DAB2: variants seen among roughly 807,000 people sequenced by gnomAD.
DAB2 encodes the protein disabled homolog 2.
In DAB2, 28 loss-of-function variants were observed where a neutral mutation model predicts 71.6. The ratio of observed to expected loss-of-function variants is 0.39; its 90% CI spans 0.29 to 0.54. DAB2 has a LOEUF of 0.54. Ranked by LOEUF, DAB2 falls within the 20% of genes least tolerant of loss-of-function variation. The pLI is 0.68. For synonymous variants in DAB2, 345 were observed against 339.7 expected, an observed-to-expected ratio of 1.02 and a Z score of -0.17; for missense variants, 867 against 928.8, an observed-to-expected ratio of 0.93 and a Z score of 0.86.
At chr5:39,396,363 T>C (rs1442125726) in intron 1 of DAB2, among the ~76,000 whole-genome samples, 1 of 152,234 alleles carries the variant, frequency 6.6e-6, no homozygotes, top group Non-Finnish European at 1.5e-5. Context: ...CGTAGTCCTC[T>C]TGAAATACAC....
intron 1 of DAB2, among the ~76,000 whole-genome samples, chr5:39,398,643 G>T (rs116829823): frequency 3.5e-4 from 54 of 152,182 alleles, no homozygotes; most frequent in African/African-American, 1.2e-3. Context: ...TGATCAGAAG[G>T]TAGACTCTGC....
chr5:39,376,121 A>T lies in DAB2; in HGVS notation c.2138-15T>A. ...CTTTGGTGGTTCTAGAAGGTAAAAA[A>T]TCCAGGCAATCAGTAGACAAGCTTT... On this transcript the variant is annotated splice_polypyrimidine_tract_variant and intron_variant, in intron 12 of 14. Transcript: ENST00000320816. 6.2e-7 allele frequency: 1 copy of T among 1,602,122 alleles called. No individual in the cohort carries two copies. The highest frequency in any genetic ancestry group is 8.5e-7 in the Non-Finnish European group (1 of 1,169,848).
intron 1 of DAB2, chr5:39,418,229 T>A (rs1164681042): frequency 6.6e-6 from 1 of 152,196 alleles, no homozygotes; most frequent in Admixed American, 6.5e-5. Context: ...AGGGCAGTTG[T>A]ATGTTGCCCT....
chr5:39,422,941 GT>G lies in DAB2; in HGVS notation c.-102+1862del, dbSNP rs1756023206. ...GCCCTTCACAAATTAGACAAGGTTT[GT>G]AACAAGTGCTTTCTTCCCTCACTTA... On this transcript the variant is annotated intron_variant, in intron 1 of 14. Coordinates refer to ENST00000320816, the MANE Select transcript of DAB2 (RefSeq NM_001343.4). The surrounding 1 kb of genome is among the most constrained non-coding windows in gnomAD (Gnocchi z 4.1). Among the ~76,000 whole-genome samples, 1 of 152,176 alleles carries G rather than the reference GT, an allele frequency of 6.6e-6. No homozygotes were observed.
intron 1 of DAB2, among the ~76,000 whole-genome samples, chr5:39,408,103 T>C (rs1755646608): frequency 6.6e-6 from 1 of 152,224 alleles, no homozygotes; most frequent in African/African-American, 2.4e-5. Context: ...TACCCTTTCT[T>C]GCAACTCATG....
At chr5:39,404,066 G>A (rs1051970114) in intron 1 of DAB2, among the ~76,000 whole-genome samples, 2 of 151,984 alleles carry the variant, frequency 1.3e-5, no homozygotes, top group African/African-American at 4.8e-5. Flanking sequence ...CTGCTATTGT[G>A]AATAGTGCCA....
chr5:39,376,231 T>A (rs1161807648), intron 12 of DAB2, 125 bp from the exon 13 acceptor site: 7 of 688,480 alleles, frequency 1.0e-5, no homozygotes, highest in Non-Finnish European at 1.5e-5. Flanking sequence ...GGAACAAAAA[T>A]CAACACCAAA....
chr5:39,410,664 C>T (rs539936127), intron 1 of DAB2, among the ~76,000 whole-genome samples: 1 of 152,084 alleles, frequency 6.6e-6, no homozygotes, highest in African/African-American at 2.4e-5. Context: ...ATGTGTGTAT[C>T]TTTTAATATG....
chr5:39,404,037 T>C (rs552913633), intron 1 of DAB2, among the ~76,000 whole-genome samples: 1 of 152,062 alleles, frequency 6.6e-6, no homozygotes, highest in Non-Finnish European at 1.5e-5. Context: ...TGTTGGACAT[T>C]TGGCTTGGTT....
chr5:39,397,828 T>A (rs960042131), intron 1 of DAB2, among the ~76,000 whole-genome samples: 3 of 152,238 alleles, frequency 2.0e-5, no homozygotes, highest in African/African-American at 4.8e-5. Context: ...TACTTCGATA[T>A]CTACTTTTAA....
At chr5:39,386,617 T>A (rs1019651992) in intron 9 of DAB2, among the ~76,000 whole-genome samples, 2 of 152,236 alleles carry the variant, frequency 1.3e-5, no homozygotes, top group African/African-American at 2.4e-5. Flanking sequence ...TTAGACTTCA[T>A]AAAGTCTAAT....
chr5:39,409,965 A>C (rs1007180482), intron 1 of DAB2, among the ~76,000 whole-genome samples: 1 of 152,198 alleles, frequency 6.6e-6, no homozygotes, highest in African/African-American at 2.4e-5. Flanking sequence ...CCAAGAACAC[A>C]AGGACAGATC....
At chr5:39,393,540 C>A (rs1755284936) in intron 2 of DAB2, 147 bp from the exon 3 acceptor site, 2 of 849,426 alleles carry the variant, frequency 2.4e-6, no homozygotes, top group African/African-American at 1.7e-5. Context: ...CTTATTCTTA[C>A]TTCCTTTGAG....
intron 4 of DAB2, 29 bp downstream of exon 4, chr5:39,392,336 G>A: frequency 6.5e-7 from 1 of 1,546,762 alleles, no homozygotes; most frequent in Non-Finnish European, 8.9e-7. Context: ...CAGGTGGTCA[G>A]AGAGGTATCA....
intron 10 of DAB2, 38 bp downstream of exon 10, chr5:39,382,580 T>G: frequency 6.3e-7 from 1 of 1,578,866 alleles, no homozygotes; most frequent in Non-Finnish European, 8.7e-7. Context: ...GTACCGAACA[T>G]GCACTCTGCT....
intron 1 of DAB2, among the ~76,000 whole-genome samples, chr5:39,413,302 A>G (rs1755773519): frequency 6.6e-6 from 1 of 152,210 alleles, no homozygotes; most frequent in Non-Finnish European, 1.5e-5. Context: ...ATTCAAGGTT[A>G]TCCCATCTTG....
chr5:39,378,813 G>C (rs369848435), intron 11 of DAB2, among the ~76,000 whole-genome samples: 2 of 152,294 alleles, frequency 1.3e-5, no homozygotes, highest in East Asian at 3.9e-4. Flanking sequence ...AGCAAGGCAT[G>C]GGGCAATTTT....
chr5:39,397,546 T>C (rs1385785271), intron 1 of DAB2, among the ~76,000 whole-genome samples: 1 of 152,184 alleles, frequency 6.6e-6, no homozygotes, highest in East Asian at 1.9e-4. Flanking sequence ...CATACAACCA[T>C]GAACAAGCCT....
chr5:39,404,430 AAAT>A (rs895035772), intron 1 of DAB2, among the ~76,000 whole-genome samples: 1 of 149,618 alleles, frequency 6.7e-6, no homozygotes, highest in Non-Finnish European at 1.5e-5. Context: ...AAAAATAAAT[AAAT>A]AAAAAATAAA....
Sources: gnomAD v4.1 joint callset for allele counts (sites outside exome capture counted in the v4.1 genomes callset) on GRCh38, gnomAD v4.1.1 for gene constraint, Gnocchi (gnomAD v3.1) non-coding constraint, MANE v1.5 for transcripts, NCBI Gene and HGNC (gene_info 2026-07-23, HGNC 2026-07-21) for gene names.